NRXN3: variants seen among roughly 807,000 people sequenced by gnomAD.
NRXN3 encodes the protein neurexin III.
A neutral mutation model predicts 137.6 loss-of-function variants in NRXN3; 32 were observed. That is an observed-to-expected ratio of 0.23 (90% CI 0.18 to 0.31). NRXN3 has a LOEUF of 0.31. Ranked by LOEUF, NRXN3 falls within the 10% of genes least tolerant of loss-of-function variation. The pLI, the probability that NRXN3 is intolerant of heterozygous loss-of-function variation, is 1.00. For synonymous variants in NRXN3, 798 were observed against 784.5 expected (o/e 1.02, Z -0.29); for missense variants, 1,574 against 2,062.5 (o/e 0.76, Z 4.59).
chr14:79,441,947 A>T (rs781182773), intron 15 of NRXN3, among the ~76,000 whole-genome samples: 5 of 151,532 alleles, frequency 3.3e-5, no homozygotes, highest in Non-Finnish European at 7.4e-5. Flanking sequence ...TCTATTTGTG[A>T]TTATTCTATT....
chr14:78,173,709 C>CTT (rs10638142), intron 1 of NRXN3, among the ~76,000 whole-genome samples: 703 of 69,314 alleles, frequency 0.01, 90 homozygotes, highest in Non-Finnish European at 0.014. Context: ...TTTTTCCTTG[C>CTT]TTTTTTTTTT....
chr14:79,540,204 A>T (rs1219022641), intron 16 of NRXN3, among the ~76,000 whole-genome samples: 1 of 96,488 alleles, frequency 1.0e-5, no homozygotes, highest in African/African-American at 5.4e-5. Flanking sequence ...AACTCTCTGA[A>T]CAAAAGAACT....
chr14:78,786,300 G>A (rs990854499), intron 8 of NRXN3, among the ~76,000 whole-genome samples: 2 of 152,144 alleles, frequency 1.3e-5, no homozygotes, highest in Non-Finnish European at 2.9e-5. Context: ...CTTCCAAGAA[G>A]AGCATATTCT....
At chr14:78,834,997 G>C (rs1358823463) in intron 10 of NRXN3, among the ~76,000 whole-genome samples, 1 of 151,474 alleles carries the variant, frequency 6.6e-6, no homozygotes, top group Non-Finnish European at 1.5e-5. Flanking sequence ...TTTACAGGCT[G>C]TCTTGCTAAA....
At chr14:79,826,535 G>GTAGTCATC (rs1375724307) in intron 20 of NRXN3, among the ~76,000 whole-genome samples, 1 of 152,172 alleles carries the variant, frequency 6.6e-6, no homozygotes, top group African/African-American at 2.4e-5. Context: ...AAACTCAGTT[G>GTAGTCATC]TAGTCATCAT....
At chr14:78,790,626 G>T (rs1217817454) in intron 8 of NRXN3, among the ~76,000 whole-genome samples, 1 of 152,176 alleles carries the variant, frequency 6.6e-6, no homozygotes, top group Non-Finnish European at 1.5e-5. Flanking sequence ...AGCTTTGTCA[G>T]AATAAAACAC....
intron 4 of NRXN3, among the ~76,000 whole-genome samples, chr14:78,367,495 C>T (rs905099393): frequency 2.6e-5 from 4 of 152,158 alleles, no homozygotes; most frequent in African/African-American, 9.7e-5. Context: ...TGATTATATG[C>T]TTACAATTCA....
In NRXN3 at chr14:78,681,684, A is replaced by G. The variant is rs200455596; in HGVS notation, c.1222-27533A>G. ...GGAAAATGACTACACCTCCCAAAGC[A>G]GATGACTAATTTTCAGAAATTGTTT... On this transcript the variant is annotated intron_variant, in intron 6 of 20. Coordinates refer to ENST00000335750, the MANE Select transcript of NRXN3 (RefSeq NM_001330195.2). Among the ~76,000 whole-genome samples, 12 of 152,326 alleles carry G rather than the reference A, an allele frequency of 7.9e-5. No homozygotes were observed. The East Asian group carries it at 2.3e-3, about 29-fold the overall frequency.
intron 4 of NRXN3, among the ~76,000 whole-genome samples, chr14:78,497,477 A>G (rs1401367450): frequency 6.6e-6 from 1 of 152,146 alleles, no homozygotes; most frequent in Non-Finnish European, 1.5e-5. Flanking sequence ...GAGAGAGGCT[A>G]TCACTTGCTG....
chr14:79,719,940 AATT>A (rs1327457760), intron 19 of NRXN3, among the ~76,000 whole-genome samples: 3 of 152,172 alleles, frequency 2.0e-5, no homozygotes, highest in Non-Finnish European at 2.9e-5. Context: ...TTTCAATAAA[AATT>A]ATTATTATTA....
chr14:78,350,776 G>A (rs945521424), intron 4 of NRXN3, among the ~76,000 whole-genome samples: 1 of 152,194 alleles, frequency 6.6e-6, no homozygotes, highest in African/African-American at 2.4e-5. Flanking sequence ...GTGAGATGGA[G>A]GGAACAATGT....
intron 8 of NRXN3, among the ~76,000 whole-genome samples, chr14:78,739,653 G>A (rs2098556093): frequency 6.6e-6 from 1 of 152,120 alleles, no homozygotes; most frequent in Admixed American, 6.5e-5. Context: ...GTATTTTTTA[G>A]TAGAGATGGG....
chr14:78,762,382 C>A (rs554415492), intron 8 of NRXN3, among the ~76,000 whole-genome samples: 1 of 152,174 alleles, frequency 6.6e-6, no homozygotes, highest in Non-Finnish European at 1.5e-5. Flanking sequence ...AACGGACGAG[C>A]GTAGACTTGA....
intron 15 of NRXN3, among the ~76,000 whole-genome samples, chr14:79,282,212 G>A (rs1313516903): frequency 6.6e-6 from 1 of 152,026 alleles, no homozygotes; most frequent in African/African-American, 2.4e-5. Context: ...GAGAGGGACT[G>A]GGGGGAGCGG....
At chr14:78,248,906 C>A (rs1165869423) in intron 2 of NRXN3, among the ~76,000 whole-genome samples, 1 of 152,188 alleles carries the variant, frequency 6.6e-6, no homozygotes, top group Non-Finnish European at 1.5e-5. Flanking sequence ...CAGCCTGACT[C>A]TCCACCAGCC....
intron 16 of NRXN3, among the ~76,000 whole-genome samples, chr14:79,638,621 T>A (rs1472334717): frequency 1.3e-5 from 2 of 152,256 alleles, no homozygotes; most frequent in Non-Finnish European, 2.9e-5. Flanking sequence ...CATATTTTTT[T>A]ATCTAACTAT....
chr14:79,127,650 G>A (rs938316590), intron 15 of NRXN3, among the ~76,000 whole-genome samples: 5 of 152,154 alleles, frequency 3.3e-5, no homozygotes, highest in Middle Eastern at 3.4e-3. Flanking sequence ...GATTGACTTG[G>A]CGATGCAGGC....
chr14:78,689,812 G>T (rs2098154634), intron 6 of NRXN3, among the ~76,000 whole-genome samples: 1 of 151,414 alleles, frequency 6.6e-6, no homozygotes, highest in African/African-American at 2.4e-5. Flanking sequence ...GAGTGGCTTG[G>T]TCTCACTCTC....
intron 15 of NRXN3, among the ~76,000 whole-genome samples, chr14:79,409,699 C>T (rs1444678042): frequency 7.4e-5 from 11 of 148,534 alleles, no homozygotes; most frequent in African/African-American, 2.7e-4. Context: ...CATAAAGACC[C>T]ATATGACAAT....
Sources: gnomAD v4.1 joint callset for allele counts (sites outside exome capture counted in the v4.1 genomes callset) on GRCh38, gnomAD v4.1.1 for gene constraint, MANE v1.5 for transcripts, NCBI Gene and HGNC (gene_info 2026-07-23, HGNC 2026-07-21) for gene names.